Variants in MACROD2 observed in about 807,000 individuals in gnomAD.
MACROD2 encodes mono-ADP ribosylhydrolase 2, also known as ADP-ribose glycohydrolase MACROD2.
A neutral mutation model predicts 70.4 loss-of-function variants in MACROD2; 36 were observed. That is an observed-to-expected ratio of 0.51 (90% CI 0.39 to 0.68). The LOEUF (loss-of-function observed/expected upper bound fraction) is 0.68, where lower values mean the gene tolerates loss of function less well. Among genes scored for constraint, MACROD2 ranks in the 30% least tolerant of loss-of-function variants. The pLI is 0.00. For missense variants in MACROD2, 496 were observed against 538.4 expected (o/e 0.92, Z 0.78); for synonymous variants, 172 against 178.8 (o/e 0.96, Z 0.30).
chr20:14,288,934 C>A (rs916194772), intron 3 of MACROD2, among the ~76,000 whole-genome samples: 3 of 152,184 alleles, frequency 2.0e-5, no homozygotes, highest in Admixed American at 1.3e-4. Context: ...CAGACTTTAC[C>A]TGACCCTTGA....
intron 3 of MACROD2, among the ~76,000 whole-genome samples, chr20:14,135,953 C>T (rs558496966): frequency 2.5e-4 from 38 of 152,122 alleles, no homozygotes; most frequent in African/African-American, 8.7e-4. Flanking sequence ...TCCATGCTCA[C>T]CATTTCAATT....
chr20:14,069,299 G>A (rs1023868596), intron 2 of MACROD2, among the ~76,000 whole-genome samples: 1 of 151,924 alleles, frequency 6.6e-6, no homozygotes, highest in African/African-American at 2.4e-5. Flanking sequence ...AAAAATCAGG[G>A]GATTTTACAT....
intron 4 of MACROD2, among the ~76,000 whole-genome samples, chr20:14,574,818 T>C (rs1980465509): frequency 6.7e-6 from 1 of 148,928 alleles, no homozygotes; most frequent in Admixed American, 6.7e-5. Context: ...GAGACCATCC[T>C]GGCTAACAAG....
chr20:14,609,884 A>G (rs930521669), intron 4 of MACROD2, among the ~76,000 whole-genome samples: 1 of 152,160 alleles, frequency 6.6e-6, no homozygotes, highest in Non-Finnish European at 1.5e-5. Context: ...CAGTATTTTC[A>G]TACACGAAAT....
At chr20:15,744,095 G>T (rs1190434019) in intron 8 of MACROD2, among the ~76,000 whole-genome samples, 3 of 151,102 alleles carry the variant, frequency 2.0e-5, no homozygotes, top group African/African-American at 4.8e-5. Flanking sequence ...GAACAATACA[G>T]TTTAGTTGTA....
In MACROD2 at chr20:15,819,297, G is replaced by GTATATAAAGTATA. The variant is rs1231218639; in HGVS notation, c.646-43440_646-43439insGTATATATATAAA. Among the ~76,000 whole-genome samples, 596 of 136,736 alleles carry GTATATAAAGTATA rather than the reference G, an allele frequency of 4.4e-3. 6 individuals carry two copies. Among genetic ancestry groups the GTATATAAAGTATA allele is most frequent in the Middle Eastern group, 0.031 (8 of 256 alleles). 89.7% of individuals were successfully genotyped at this position (136,736 alleles called of 152,430 possible). A position where few individuals can be genotyped will look rare whatever the true frequency, so the allele number is the denominator to read the frequency against. On this transcript the variant is annotated intron_variant, in intron 8 of 17. Transcript: ENST00000684519. The stretch of plus-strand genomic sequence containing the variant: ...ATATCAATATATATTTTATATATAA[G>GTATATAAAGTATA]TATATAAATATATATACTTATATAT...
At chr20:16,035,047 T>A (rs1170186631) in intron 15 of MACROD2, among the ~76,000 whole-genome samples, 1 of 140,566 alleles carries the variant, frequency 7.1e-6, no homozygotes. Flanking sequence ...TAAAATATAA[T>A]ATAGAATATA....
chr20:14,326,210 T>A lies in MACROD2; in HGVS notation c.272-167269T>A. ...AGCCAGCTGAGTCTCAAAGCAGTCA[T>A]AGGTAGAGCAAGTTTCCAAGAGATA... On this transcript the variant is annotated intron_variant, in intron 3 of 17. Transcript: ENST00000684519. The surrounding 1 kb of genome is among the most constrained non-coding windows in gnomAD (Gnocchi z 5.5). The A allele has an allele frequency of 6.2e-7, 1 of 1,613,918 alleles. No individual in the cohort carries two copies. Among genetic ancestry groups the A allele is most frequent in the Non-Finnish European group, 8.5e-7 (1 of 1,179,882 alleles).
intron 3 of MACROD2, among the ~76,000 whole-genome samples, chr20:14,373,619 C>G (rs893902965): frequency 1.3e-5 from 2 of 152,052 alleles, no homozygotes; most frequent in African/African-American, 4.8e-5. Context: ...GGATAAATAC[C>G]CTTAAAGTAA....
chr20:14,544,765 A>T (rs2085472864), intron 4 of MACROD2, among the ~76,000 whole-genome samples: 2 of 152,324 alleles, frequency 1.3e-5, no homozygotes, highest in South Asian at 4.1e-4. Flanking sequence ...TGGCATTCTG[A>T]GAGTCAAGTG....
At chr20:14,327,082 G>A (rs773437575) in intron 3 of MACROD2, 1 of 1,613,768 alleles carries the variant, frequency 6.2e-7, no homozygotes, top group Non-Finnish European at 8.5e-7. Flanking sequence ...TATGCTAACT[G>A]CAGAGACAGA....
At chr20:14,383,013 T>G (rs1303016246) in intron 3 of MACROD2, among the ~76,000 whole-genome samples, 1 of 152,186 alleles carries the variant, frequency 6.6e-6, no homozygotes, top group Admixed American at 6.5e-5. Flanking sequence ...TGGAAACAAA[T>G]GCACCACACT....
At chr20:14,707,626 C>T (rs2071285377) in intron 5 of MACROD2, among the ~76,000 whole-genome samples, 1 of 152,166 alleles carries the variant, frequency 6.6e-6, no homozygotes. Flanking sequence ...CAGCCGCCTA[C>T]ATCCGGGAAT....
chr20:15,875,889 T>C (rs1295988199), intron 9 of MACROD2, among the ~76,000 whole-genome samples: 1 of 151,730 alleles, frequency 6.6e-6, no homozygotes. Flanking sequence ...GGTAGACTGG[T>C]TTTGGTTCTT....
intron 5 of MACROD2, among the ~76,000 whole-genome samples, chr20:14,874,690 T>C (rs2073529529): frequency 6.7e-6 from 1 of 150,362 alleles, no homozygotes; most frequent in Non-Finnish European, 1.5e-5. Flanking sequence ...TATTTATTTA[T>C]TTATTTATTT....
chr20:15,716,595 T>A (rs2146926783), intron 8 of MACROD2, among the ~76,000 whole-genome samples: 1 of 152,326 alleles, frequency 6.6e-6, no homozygotes, highest in Non-Finnish European at 1.5e-5. Context: ...CCCCCAATTC[T>A]ATTTTACAGT....
intron 4 of MACROD2, among the ~76,000 whole-genome samples, chr20:14,616,324 G>A (rs976199040): frequency 1.3e-5 from 2 of 152,094 alleles, no homozygotes; most frequent in East Asian, 1.9e-4. Flanking sequence ...CAGGCCTTTA[G>A]AGTACTCATC....
intron 2 of MACROD2, among the ~76,000 whole-genome samples, chr20:14,071,547 ACCGTGCTGGGC>A (rs140638103): frequency 0.023 from 3,464 of 152,122 alleles, 56 homozygotes; most frequent in Non-Finnish European, 0.038. Context: ...GGTGTGAGCC[ACCGTGCTGGGC>A]CCGACCATTT....
At chr20:14,095,337 G>C (rs1478288388) in intron 3 of MACROD2, among the ~76,000 whole-genome samples, 1 of 152,172 alleles carries the variant, frequency 6.6e-6, no homozygotes, top group Non-Finnish European at 1.5e-5. Flanking sequence ...ATAGAGGATA[G>C]GAAATGTAGG....
Sources: gnomAD v4.1 joint callset for allele counts (sites outside exome capture counted in the v4.1 genomes callset) on GRCh38, gnomAD v4.1.1 for gene constraint, Gnocchi (gnomAD v3.1) non-coding constraint, MANE v1.5 for transcripts, NCBI Gene and HGNC (gene_info 2026-07-23, HGNC 2026-07-21) for gene names.